Variants in FAM186B observed in about 807,000 individuals in gnomAD.
FAM186B encodes family with sequence similarity 186 member B.
A neutral mutation model predicts 83.4 loss-of-function variants in FAM186B; 68 were observed. The ratio of observed to expected loss-of-function variants is 0.81; its 90% CI spans 0.67 to 1.00. The LOEUF is 1.00. Among genes scored for constraint, FAM186B ranks in the 50% least tolerant of loss-of-function variants. The probability of loss-of-function intolerance (pLI) is 0.00; values close to 1 mark genes in which losing one functional copy is unlikely to be tolerated. For missense variants in FAM186B, 983 were observed against 1,099.2 expected (o/e 0.89, Z 1.49); for synonymous variants, 389 against 422.0 (o/e 0.92, Z 0.96).
upstream of FAM186B, among the ~76,000 whole-genome samples, chr12:49,610,540 C>T (rs1304616846): frequency 6.6e-6 from 1 of 152,196 alleles, no homozygotes; most frequent in Non-Finnish European, 1.5e-5. Flanking sequence ...CCTGTAATCC[C>T]AGCACTTTGG....
At chr12:49,589,798 T>G (rs370021402) in intron 5 of FAM186B, among the ~76,000 whole-genome samples, 1 of 151,990 alleles carries the variant, frequency 6.6e-6, no homozygotes, top group Non-Finnish European at 1.5e-5. Flanking sequence ...CTGGCCAACA[T>G]GGTGAAACCC....
chr12:49,613,072 CAAG>C, the FAM186B span, among the ~76,000 whole-genome samples: 2 of 152,166 alleles, frequency 1.3e-5, no homozygotes, highest in East Asian at 1.9e-4. Context: ...GAAATCAAAA[CAAG>C]AAGATCTTCA....
At position 49,598,824 on chromosome 12, in the gene FAM186B, C is replaced by T. The variant is rs138774087; in HGVS notation, c.2295G>A (p.Thr765=). The stretch of plus-strand genomic sequence containing the variant: ...TCTCCTCCAGCCCCTTCTGCTTGTC[C>T]GTCCAGGCCTGCAGCCTGAGACTCT... The part of the protein sequence containing the change: ...RLQSLRLQAW[T]DKQKGLEEKH... The change falls in exon 5 of 7, where the codon ACG becomes ACA. Residue 765 remains threonine, a synonymous_variant. Transcript: ENST00000257894. 6.2e-6 allele frequency: 10 copies of T among 1,612,962 alleles called. No individual in the cohort carries two copies. The highest frequency in any genetic ancestry group is 2.2e-5 in the East Asian group (1 of 44,768).
At position 49,604,392 on chromosome 12, in the gene FAM186B, T is replaced by A; in HGVS notation, c.243A>T (p.Glu81Asp). The A allele has an allele frequency of 6.2e-7, 1 of 1,614,266 alleles. No individual in the cohort carries two copies. The highest frequency in any genetic ancestry group is 2.2e-5 in the East Asian group (1 of 44,888). Residue 81 changes from glutamate (E) to aspartate (D), a missense_variant, in exon 2 of 7, where the codon GAA (glutamate) becomes GAT (aspartate). Coordinates refer to ENST00000257894, the MANE Select transcript of FAM186B (RefSeq NM_032130.3). Reference protein sequence around the residue: ...PKGKKRFILLEKIASFSKDAM... With the variant: ...PKGKKRFILLDKIASFSKDAM... ...CATCTTTGGAGAAGGAGGCAATTTT[T>A]TCCAGCAAGATGAATCTCTTCTTGC...
intron 3 of FAM186B, 41 bp from the exon 4 acceptor site, chr12:49,601,175 G>A: frequency 6.6e-7 from 1 of 1,515,890 alleles, no homozygotes. Context: ...ATTTCTCATG[G>A]GTCCCAAGGA....
upstream of FAM186B, among the ~76,000 whole-genome samples, chr12:49,608,190 T>TA (rs112301367): frequency 0.021 from 2,852 of 135,672 alleles, 70 homozygotes; most frequent in African/African-American, 0.061. Flanking sequence ...CTTCATACCT[T>TA]AAAAAAAAAA....
the FAM186B span, among the ~76,000 whole-genome samples, chr12:49,619,077 C>G: frequency 2.0e-5 from 3 of 152,216 alleles, no homozygotes; most frequent in African/African-American, 7.2e-5. Flanking sequence ...TGTAGCAATG[C>G]CTTCATAATT....
chr12:49,584,920 G>A (rs758483049), downstream of FAM186B, among the ~76,000 whole-genome samples: 10 of 151,824 alleles, frequency 6.6e-5, no homozygotes, highest in Non-Finnish European at 1.2e-4. Context: ...CCCAGAGGCC[G>A]CATTGTAAGC....
At chr12:49,601,847 C>G (rs1471698022) in intron 3 of FAM186B, among the ~76,000 whole-genome samples, 2 of 152,058 alleles carry the variant, frequency 1.3e-5, no homozygotes, top group Non-Finnish European at 2.9e-5. Context: ...ATCCATTCAT[C>G]TGCCTATTTA....
intron 5 of FAM186B, among the ~76,000 whole-genome samples, chr12:49,589,546 C>G (rs906977773): frequency 2.0e-5 from 3 of 151,724 alleles, no homozygotes; most frequent in African/African-American, 7.3e-5. Context: ...ATAATGGGGA[C>G]AAAATTATTA....
chr12:49,619,611 C>A, the FAM186B span: 2 of 611,002 alleles, frequency 3.3e-6, no homozygotes, highest in Admixed American at 2.2e-5. Context: ...AAACCTACAC[C>A]GTAGAAGAAA....
At chr12:49,611,330 A>C in the FAM186B span, among the ~76,000 whole-genome samples, 3 of 151,744 alleles carry the variant, frequency 2.0e-5, no homozygotes, top group African/African-American at 4.8e-5. Flanking sequence ...CTGTGATCCC[A>C]CCACTGCACT....
chr12:49,595,877 C>T (rs1027324167), intron 5 of FAM186B, among the ~76,000 whole-genome samples: 10 of 152,048 alleles, frequency 6.6e-5, no homozygotes, highest in Non-Finnish European at 8.8e-5. Context: ...CCCAGCTACT[C>T]GGGAGGCTGA....
chr12:49,585,726 C>T (rs992010338), downstream of FAM186B, among the ~76,000 whole-genome samples: 2 of 152,130 alleles, frequency 1.3e-5, no homozygotes, highest in South Asian at 2.1e-4. Flanking sequence ...CCAGGGGAGC[C>T]GGTGAGGTCG....
In FAM186B at chr12:49,600,536, G is replaced by A; in HGVS notation, c.1104C>T (p.Phe368=). The change falls in exon 4 of 7, where the codon TTC becomes TTT. Residue 368 remains phenylalanine (F), a synonymous_variant. Coordinates refer to ENST00000257894, the MANE Select transcript of FAM186B (RefSeq NM_032130.3). The surrounding 1 kb of genome is among the most constrained non-coding windows in gnomAD (Gnocchi z 4.3). ...CCATGGGACTTGGGGGAAGTGGCGA[G>A]AACAACTGCTCCTCCTTCATCGGTT... ...QQEPMKEEQL[F]SPLPPSPMAM... is the part of the protein sequence containing the mutation. 4 of 1,613,910 alleles carry A rather than the reference G, an allele frequency of 2.5e-6. No homozygotes were observed. The highest frequency in any genetic ancestry group is 3.4e-6 in the Non-Finnish European group (4 of 1,179,958).
chr12:49,586,257 C>G (rs1458889564), downstream of FAM186B, among the ~76,000 whole-genome samples: 1 of 152,172 alleles, frequency 6.6e-6, no homozygotes, highest in Non-Finnish European at 1.5e-5. Flanking sequence ...GTGGGTGGAA[C>G]AGCTCTGCTT....
the FAM186B span, among the ~76,000 whole-genome samples, chr12:49,620,766 G>A: frequency 1.3e-5 from 2 of 152,138 alleles, no homozygotes; most frequent in Admixed American, 6.5e-5. Context: ...ACAGAAACAT[G>A]TATTTCAAGC....
chr12:49,621,252 G>A, the FAM186B span, among the ~76,000 whole-genome samples: 1 of 152,112 alleles, frequency 6.6e-6, no homozygotes, highest in South Asian at 2.1e-4. Flanking sequence ...GTGTGGTGGC[G>A]CATGCCTGGA....
At chr12:49,595,552 CGT>C (rs1321693952) in intron 5 of FAM186B, 2 of 448,738 alleles carry the variant, frequency 4.5e-6, no homozygotes, top group African/African-American at 4.0e-5. Flanking sequence ...CTCTGAGAAT[CGT>C]GTGGAAAAGG....
Sources: gnomAD v4.1 joint callset for allele counts (sites outside exome capture counted in the v4.1 genomes callset) on GRCh38, gnomAD v4.1.1 for gene constraint, Gnocchi (gnomAD v3.1) non-coding constraint, MANE v1.5 for transcripts, NCBI Gene and HGNC (gene_info 2026-07-23, HGNC 2026-07-21) for gene names.